COX15: variants seen among roughly 807,000 people sequenced by gnomAD.
The protein encoded by COX15 is heme A synthase COX15.
A neutral mutation model predicts 51.9 loss-of-function variants in COX15; 51 were observed. The observed-to-expected ratio is 0.98, with a 90% CI of 0.78 to 1.24. The LOEUF (loss-of-function observed/expected upper bound fraction) is 1.24, where lower values mean the gene tolerates loss of function less well. Ranked by LOEUF, COX15 falls within the 50% of genes most tolerant of loss-of-function variation. COX15 has a pLI of 0.00. For missense variants in COX15, 420 were observed against 501.1 expected (o/e 0.84, Z 1.55); for synonymous variants, 188 against 190.5 (o/e 0.99, Z 0.11).
At chr10:99,709,887 T>G, downstream of COX15, 1 of 985,494 alleles carries the variant, frequency 1.0e-6, no homozygotes, top group Non-Finnish European at 1.2e-6. Context: ...TTTGTTTCTC[T>G]GAAAATCTGA....
In COX15 at chr10:99,713,257, G is replaced by A; in HGVS notation, c.*1330C>T. The A allele has an allele frequency of 6.8e-7, 1 of 1,481,198 alleles. No homozygotes were observed. Among genetic ancestry groups the A allele is most frequent in the South Asian group, 1.3e-5 (1 of 79,952 alleles). 91.8% of individuals were successfully genotyped at this position (1,481,198 alleles called of 1,614,324 possible). A position where few individuals can be genotyped will look rare whatever the true frequency, so the allele number is the denominator to read the frequency against. ...TTTATATGAAATGATATAAGGCCAG[G>A]TTTCTTCAGCCCAAACTTATACAAC... On this transcript the variant is annotated 3_prime_UTR_variant, in exon 9 of 9. Coordinates refer to ENST00000016171, the MANE Select transcript of COX15 (RefSeq NM_078470.6).
the COX15 span, chr10:99,697,934 C>G: frequency 6.5e-6 from 1 of 154,450 alleles, no homozygotes; most frequent in Admixed American, 6.3e-5. Flanking sequence ...AATAACTGGA[C>G]CTGTGTTACG....
chr10:99,718,229 G>A (rs1161039092), intron 7 of COX15, 117 bp downstream of exon 7: 2 of 1,078,438 alleles, frequency 1.9e-6, no homozygotes, highest in Admixed American at 2.2e-5. Context: ...TCCAAAGAGA[G>A]CAGGAAATAT....
the COX15 span, among the ~76,000 whole-genome samples, chr10:99,703,693 A>G: frequency 1.3e-4 from 20 of 152,036 alleles, no homozygotes; most frequent in African/African-American, 4.6e-4. Flanking sequence ...TATATCCTAG[A>G]TCCTAAGGAA....
rs146533197 is a variant in COX15 at position 99,727,938 on chromosome 10, G to A, written c.273-375C>T. On this transcript the variant is annotated intron_variant, in intron 2 of 8. Coordinates refer to ENST00000016171, the MANE Select transcript of COX15 (RefSeq NM_078470.6). ...AAAAGAGACCTGTTACATGTATACA[G>A]GTTTAGATTCTTGGGTGAATTTAAA... Among the ~76,000 whole-genome samples the A allele has an allele frequency of 2.4e-4, 36 of 152,074 alleles. No individual in the cohort carries two copies. In the East Asian group the frequency reaches 6.4e-3, roughly 27 times the overall value.
the COX15 span, chr10:99,700,952 A>G: frequency 6.2e-7 from 1 of 1,606,496 alleles, no homozygotes; most frequent in South Asian, 1.1e-5. Flanking sequence ...ATGTTGCACT[A>G]TTTCTCTGTG....
chr10:99,700,837 G>A, the COX15 span: 5 of 744,748 alleles, frequency 6.7e-6, no homozygotes, highest in Non-Finnish European at 1.2e-5. Flanking sequence ...TTTAGTGAAT[G>A]AACACACCAT....
At chr10:99,704,556 T>C in the COX15 span, 7 of 1,614,112 alleles carry the variant, frequency 4.3e-6, no homozygotes, top group Non-Finnish European at 5.1e-6. Context: ...GTGGTGCTAC[T>C]GGCCATCTTC....
chr10:99,702,354 T>G, the COX15 span, among the ~76,000 whole-genome samples: 1 of 152,166 alleles, frequency 6.6e-6, no homozygotes, highest in Non-Finnish European at 1.5e-5. Flanking sequence ...ACAAGATAAG[T>G]AGGCTGACTT....
downstream of COX15, chr10:99,710,205 G>A (rs994790543): frequency 1.5e-5 from 15 of 985,394 alleles, no homozygotes; most frequent in East Asian, 1.6e-3. Context: ...GCACTTGCCG[G>A]CATTTGGCCT....
In COX15 at chr10:99,711,188, T is replaced by C. The variant is rs984461109; in HGVS notation, c.*3399A>G. Reference sequence around the variant, plus strand: ...AAATGCAACCAGTTGTTTTTCCAAATGTACTCATCATCTGTAATAAAAGAA... The same window carrying C: ...AAATGCAACCAGTTGTTTTTCCAAACGTACTCATCATCTGTAATAAAAGAA... On this transcript the variant is annotated 3_prime_UTR_variant, in exon 9 of 9. Transcript: ENST00000016171. 6.9e-5 allele frequency: 68 copies of C among 985,214 alleles called. No individual in the cohort carries two copies. The highest frequency in any genetic ancestry group is 7.4e-5 in the Non-Finnish European group (61 of 829,868). The allele number at this position is 985,214 out of a possible 1,614,324, so 61.0% of individuals were successfully genotyped here.
downstream of COX15, among the ~76,000 whole-genome samples, chr10:99,707,234 C>A (rs766419925): frequency 6.6e-6 from 1 of 152,048 alleles, no homozygotes; most frequent in Non-Finnish European, 1.5e-5. Context: ...GTCTTTATTA[C>A]CATGAGCAAG....
chr10:99,718,862 C>T (rs148248931), intron 6 of COX15, among the ~76,000 whole-genome samples: 22 of 152,184 alleles, frequency 1.4e-4, no homozygotes, highest in Non-Finnish European at 2.8e-4. Flanking sequence ...TAGAAATGCT[C>T]TCCCACAGAT....
At chr10:99,706,935 G>A (rs1213818638), downstream of COX15, among the ~76,000 whole-genome samples, 4 of 152,160 alleles carry the variant, frequency 2.6e-5, no homozygotes, top group Non-Finnish European at 5.9e-5. Context: ...AAATGAACTT[G>A]AAACACGGAA....
At chr10:99,716,769 T>G (rs1165510156) in intron 7 of COX15, 1 of 338,826 alleles carries the variant, frequency 3.0e-6, no homozygotes, top group Non-Finnish European at 5.8e-6. Flanking sequence ...TTTTTAATTC[T>G]TTGCATCCTT....
At position 99,727,571 on chromosome 10, in the gene COX15, T is replaced by C; in HGVS notation, c.273-8A>G. On this transcript the variant is annotated splice_region_variant and splice_polypyrimidine_tract_variant and intron_variant, in intron 2 of 8. Coordinates refer to ENST00000016171, the MANE Select transcript of COX15 (RefSeq NM_078470.6). ...AGGCCAGACTCTGTCAACCTTAGGA[T>C]AGGAAAGAAATTTTGGGGTGTATGC... 1 of 1,613,206 alleles carries C rather than the reference T, an allele frequency of 6.2e-7. No individual in the cohort carries two copies. The highest frequency in any genetic ancestry group is 8.5e-7 in the Non-Finnish European group (1 of 1,180,006).
chr10:99,715,965 T>C lies in COX15; in HGVS notation c.1101+383A>G, dbSNP rs188121273. ...TTTATTATAAATATGGAAAATATTT[T>C]CTCCTAGTCTGTCACCTTTCCTTTT... On this transcript the variant is annotated intron_variant, in intron 8 of 8. Coordinates refer to ENST00000016171, the MANE Select transcript of COX15 (RefSeq NM_078470.6). Among the ~76,000 whole-genome samples, 964 of 150,200 alleles carry C rather than the reference T, an allele frequency of 6.4e-3. 17 individuals are homozygous for C. The highest frequency in any genetic ancestry group is 0.022 in the African/African-American group (921 of 40,992).
intron 6 of COX15, among the ~76,000 whole-genome samples, chr10:99,719,020 T>C (rs1052723711): frequency 2.6e-5 from 4 of 152,204 alleles, no homozygotes; most frequent in African/African-American, 7.2e-5. Flanking sequence ...TAGCACATTA[T>C]GTTTCTATTG....
Position 99,724,007 on chromosome 10 carries a change from A to C in COX15, c.699T>G (p.Leu233=). 1 of 1,614,076 alleles carries C rather than the reference A, an allele frequency of 6.2e-7. No individual in the cohort carries two copies. Among genetic ancestry groups the C allele is most frequent in the Non-Finnish European group, 8.5e-7 (1 of 1,180,014 alleles). Residue 233 remains leucine (L), a synonymous_variant, in exon 5 of 9, where the codon CTT becomes CTG. Transcript: ENST00000016171. ...GTGAGGTCCACAAGCTGGCACAATA[A>C]AGAACCAGGGCTGATCCCAGGTGGG... The part of the protein sequence containing the change: ...LAAHLGSALV[L]YCASLWTSLS...
Sources: gnomAD v4.1 joint callset for allele counts (sites outside exome capture counted in the v4.1 genomes callset) on GRCh38, gnomAD v4.1.1 for gene constraint, MANE v1.5 for transcripts, NCBI Gene and HGNC (gene_info 2026-07-23, HGNC 2026-07-21) for gene names.